EDIL3: variants seen among roughly 807,000 people sequenced by gnomAD.
EDIL3 encodes the protein EGF like and discoidin domains 3.
A neutral mutation model predicts 67.4 loss-of-function variants in EDIL3; 37 were observed. The observed-to-expected ratio is 0.55, with a 90% confidence interval of 0.42 to 0.72. The LOEUF (loss-of-function observed/expected upper bound fraction) is 0.72, where lower values mean the gene tolerates loss of function less well. EDIL3 is among the 30% of genes least tolerant of loss of function. EDIL3 has a pLI of 0.00. For missense variants in EDIL3, 527 were observed against 586.3 expected (o/e 0.90, Z 1.04); for synonymous variants, 195 against 196.3 (o/e 0.99, Z 0.05).
intron 5 of EDIL3, among the ~76,000 whole-genome samples, chr5:84,130,450 G>A (rs1407998968): frequency 6.6e-6 from 1 of 152,054 alleles, no homozygotes; most frequent in Non-Finnish European, 1.5e-5. Flanking sequence ...TCATATAATT[G>A]AATACATTCA....
intron 3 of EDIL3, among the ~76,000 whole-genome samples, chr5:84,213,797 C>T (rs750770060): frequency 1.3e-5 from 2 of 152,084 alleles, no homozygotes; most frequent in Non-Finnish European, 2.9e-5. Flanking sequence ...AAGTATGTTA[C>T]TTAAAGGTTT....
chr5:84,334,950 C>T (rs193177191), intron 1 of EDIL3, among the ~76,000 whole-genome samples: 1 of 152,198 alleles, frequency 6.6e-6, no homozygotes, highest in South Asian at 2.1e-4. Flanking sequence ...AGTAATTATG[C>T]AATTGTAATT....
intron 1 of EDIL3, among the ~76,000 whole-genome samples, chr5:84,307,260 T>C (rs1746290861): frequency 6.6e-6 from 1 of 151,804 alleles, no homozygotes; most frequent in Non-Finnish European, 1.5e-5. Flanking sequence ...TGCAGGCTAA[T>C]GAAAATTGGG....
chr5:84,372,842 A>T (rs917130651), intron 1 of EDIL3, among the ~76,000 whole-genome samples: 2 of 152,174 alleles, frequency 1.3e-5, no homozygotes, highest in African/African-American at 4.8e-5. Flanking sequence ...TCTTAATGAG[A>T]TACATCAATT....
At chr5:84,319,494 CAAA>C (rs55738450) in intron 1 of EDIL3, among the ~76,000 whole-genome samples, 477 of 42,856 alleles carry the variant, frequency 0.011, 6 homozygotes, top group African/African-American at 0.04. Context: ...CAAAAAACAA[CAAA>C]AAAAAAAAAA....
chr5:84,197,272 C>T (rs758425913), intron 3 of EDIL3, among the ~76,000 whole-genome samples: 1 of 151,856 alleles, frequency 6.6e-6, no homozygotes, highest in Non-Finnish European at 1.5e-5. Flanking sequence ...TCTGGGAGGA[C>T]ATAAGAGGAA....
intron 9 of EDIL3, among the ~76,000 whole-genome samples, chr5:83,969,203 C>T (rs887123619): frequency 2.0e-5 from 3 of 151,554 alleles, no homozygotes; most frequent in Non-Finnish European, 4.4e-5. Context: ...CCTAGTATGT[C>T]ATTTTAAGGA....
chr5:84,334,894 T>C (rs947489191), intron 1 of EDIL3, among the ~76,000 whole-genome samples: 1 of 152,182 alleles, frequency 6.6e-6, no homozygotes, highest in African/African-American at 2.4e-5. Context: ...TAAATTTGGG[T>C]CAGAGGTCTC....
chr5:84,040,781 T>A (rs144233827), intron 9 of EDIL3, among the ~76,000 whole-genome samples: 8 of 152,258 alleles, frequency 5.3e-5, no homozygotes, highest in African/African-American at 1.9e-4. Context: ...TAAATTGCAA[T>A]TAGATTAATG....
intron 2 of EDIL3, among the ~76,000 whole-genome samples, chr5:84,237,044 G>A (rs1400846962): frequency 6.6e-6 from 1 of 151,982 alleles, no homozygotes; most frequent in Non-Finnish European, 1.5e-5. Flanking sequence ...GAGGCTACCA[G>A]CTCACTAGAT....
At chr5:84,348,911 T>C (rs1747296525) in intron 1 of EDIL3, among the ~76,000 whole-genome samples, 1 of 152,216 alleles carries the variant, frequency 6.6e-6, no homozygotes, top group African/African-American at 2.4e-5. Context: ...CATATTTAAT[T>C]ACCTCTTGGA....
At chr5:84,041,697 CCT>C (rs1491542076) in intron 9 of EDIL3, among the ~76,000 whole-genome samples, 20 of 119,952 alleles carry the variant, frequency 1.7e-4, no homozygotes, top group Non-Finnish European at 2.0e-4. Context: ...TATATCTCTA[CCT>C]ATATATATAT....
intron 2 of EDIL3, among the ~76,000 whole-genome samples, chr5:84,236,009 C>A (rs1031846690): frequency 6.6e-6 from 1 of 151,908 alleles, no homozygotes; most frequent in Non-Finnish European, 1.5e-5. Flanking sequence ...ACAAAATGTA[C>A]TTTTAATGTT....
chr5:84,090,891 T>C (rs1184970934), intron 6 of EDIL3, among the ~76,000 whole-genome samples: 1 of 150,962 alleles, frequency 6.6e-6, no homozygotes, highest in Non-Finnish European at 1.5e-5. Context: ...GAGGTTGCAG[T>C]GAGCTGAGAT....
Position 83,940,611 on chromosome 5 carries a change from GTTTAT to G in EDIL3, c.*2803_*2807del, listed in dbSNP as rs762853057. 2.0e-5 allele frequency: 3 copies of G among 151,810 alleles called. No individual in the cohort carries two copies. Among genetic ancestry groups the G allele is most frequent in the Non-Finnish European group, 2.9e-5 (2 of 67,880 alleles). The allele number at this position is 151,810 out of a possible 1,614,324, so 9.4% of individuals were successfully genotyped here. ...TCAAAAGAATCCCAGCTTTTCAAAA[GTTTAT>G]TTTAAGTTTGGAGACTAGACAAGGT... On this transcript the variant is annotated 3_prime_UTR_variant, in exon 11 of 11. Transcript: ENST00000296591.
chr5:84,035,162 A>AGT (rs1053511957), intron 9 of EDIL3, among the ~76,000 whole-genome samples: 1 of 151,832 alleles, frequency 6.6e-6, no homozygotes, highest in Non-Finnish European at 1.5e-5. Context: ...AATTCATTGG[A>AGT]GTATATATAT....
At chr5:84,178,903 T>C (rs1025512905) in intron 4 of EDIL3, among the ~76,000 whole-genome samples, 2 of 152,226 alleles carry the variant, frequency 1.3e-5, no homozygotes, top group South Asian at 4.1e-4. Flanking sequence ...GAAAGATTTC[T>C]TTGTGCTTTG....
At chr5:83,987,687 A>G (rs1271122120) in intron 9 of EDIL3, among the ~76,000 whole-genome samples, 5 of 152,072 alleles carry the variant, frequency 3.3e-5, no homozygotes, top group Non-Finnish European at 7.4e-5. Flanking sequence ...CTCATTATCC[A>G]TATATATGTC....
chr5:84,239,115 GC>G (rs1207721186), intron 2 of EDIL3, among the ~76,000 whole-genome samples: 2 of 151,994 alleles, frequency 1.3e-5, no homozygotes, highest in Admixed American at 1.3e-4. Flanking sequence ...GACTAATGAG[GC>G]CCATTCTTTG....
Sources: gnomAD v4.1 joint callset for allele counts (sites outside exome capture counted in the v4.1 genomes callset) on GRCh38, gnomAD v4.1.1 for gene constraint, MANE v1.5 for transcripts, NCBI Gene and HGNC (gene_info 2026-07-23, HGNC 2026-07-21) for gene names.